The following TMEM178B variants were observed in gnomAD, a reference collection of about 807,000 sequenced individuals.
TMEM178B encodes transmembrane protein 178B.
Under a neutral mutation model 31.0 loss-of-function variants are expected in TMEM178B, and 5 were observed. That is an observed-to-expected ratio of 0.16 (90% CI 0.08 to 0.34). The LOEUF (loss-of-function observed/expected upper bound fraction) is 0.34. TMEM178B is among the 10% of genes least tolerant of loss of function. TMEM178B has a pLI of 1.00. For missense variants in TMEM178B, 275 were observed against 400.3 expected, an observed-to-expected ratio of 0.69 and a Z score of 2.67; for synonymous variants, 164 against 164.0, an observed-to-expected ratio of 1.00 and a Z score of 0.00.
At chr7:141,294,686 G>A (rs1243180347) in intron 2 of TMEM178B, among the ~76,000 whole-genome samples, 1 of 152,116 alleles carries the variant, frequency 6.6e-6, no homozygotes, top group Non-Finnish European at 1.5e-5. Flanking sequence ...TTGGTTTCAG[G>A]GGGCAGGGAT....
rs183215532 is a variant in TMEM178B at position 141,461,549 on chromosome 7, T to A, written c.635-8987T>A. On this transcript the variant is annotated intron_variant, in intron 3 of 3. Coordinates refer to ENST00000565468, the MANE Select transcript of TMEM178B (RefSeq NM_001195278.2). The surrounding 1 kb of genome is among the most constrained non-coding windows in gnomAD (Gnocchi z 4.0). ...GAGAAGCCTCGTGAGGGCCTCAGTTTCCTAGGAGACGGCTTCTTGAATTAG... is the reference window on the plus strand; with the variant it reads ...GAGAAGCCTCGTGAGGGCCTCAGTTACCTAGGAGACGGCTTCTTGAATTAG... Among the ~76,000 whole-genome samples the A allele has an allele frequency of 6.6e-6, 1 of 152,350 alleles. No homozygotes were observed. Among genetic ancestry groups the A allele is most frequent in the Non-Finnish European group, 1.5e-5 (1 of 68,034 alleles).
chr7:141,332,686 T>C (rs1449637700), intron 2 of TMEM178B, among the ~76,000 whole-genome samples: 3 of 152,258 alleles, frequency 2.0e-5, no homozygotes, highest in African/African-American at 7.2e-5. Context: ...AATAGAGGCA[T>C]GAAATGCAGA....
intron 1 of TMEM178B, among the ~76,000 whole-genome samples, chr7:141,198,375 A>C (rs532965097): frequency 6.6e-6 from 1 of 152,352 alleles, no homozygotes; most frequent in African/African-American, 2.4e-5. Context: ...GGCAGAGCCC[A>C]GGAAAGCCAT....
chr7:141,116,997 G>A (rs763007246), intron 1 of TMEM178B, among the ~76,000 whole-genome samples: 7 of 152,256 alleles, frequency 4.6e-5, no homozygotes, highest in South Asian at 2.1e-4. Flanking sequence ...TGTCTTTATA[G>A]TAAAGTGATT....
chr7:141,374,658 A>G (rs1800179950), intron 2 of TMEM178B, among the ~76,000 whole-genome samples: 1 of 152,182 alleles, frequency 6.6e-6, no homozygotes, highest in African/African-American at 2.4e-5. Flanking sequence ...ATGCCACCCC[A>G]TGTGACAATT....
chr7:141,308,299 C>T (rs1385513815), intron 2 of TMEM178B, among the ~76,000 whole-genome samples: 1 of 152,224 alleles, frequency 6.6e-6, no homozygotes, highest in Non-Finnish European at 1.5e-5. Context: ...TAGAACCAGT[C>T]TGCTGACAGG....
intron 1 of TMEM178B, among the ~76,000 whole-genome samples, chr7:141,153,762 T>C (rs565998766): frequency 2.6e-5 from 4 of 152,358 alleles, no homozygotes; most frequent in African/African-American, 9.6e-5. Flanking sequence ...TGTTTATCTT[T>C]TTCATATTGA....
chr7:141,199,335 G>A (rs114410830), intron 1 of TMEM178B, among the ~76,000 whole-genome samples: 1,752 of 152,306 alleles, frequency 0.012, 25 homozygotes, highest in African/African-American at 0.039. Context: ...GCCATTAGTA[G>A]TAATGGCAAC....
At chr7:141,413,892 A>C (rs1278914916) in intron 2 of TMEM178B, among the ~76,000 whole-genome samples, 1 of 152,208 alleles carries the variant, frequency 6.6e-6, no homozygotes, top group East Asian at 1.9e-4. Context: ...AGGAATAAAA[A>C]AAATCATTGA....
At chr7:141,436,361 A>G (rs2116679224) in intron 2 of TMEM178B, among the ~76,000 whole-genome samples, 1 of 152,248 alleles carries the variant, frequency 6.6e-6, no homozygotes, top group South Asian at 2.1e-4. Flanking sequence ...TCCCTTTGAC[A>G]GAGAGGGACG....
chr7:141,481,245 C>T (rs992235757), downstream of TMEM178B, among the ~76,000 whole-genome samples: 6 of 152,162 alleles, frequency 3.9e-5, no homozygotes, highest in African/African-American at 1.4e-4. Context: ...ATGGGTGCGC[C>T]ATCTAAGGAG....
chr7:141,150,257 C>T (rs1795946785), intron 1 of TMEM178B, among the ~76,000 whole-genome samples: 1 of 152,074 alleles, frequency 6.6e-6, no homozygotes, highest in South Asian at 2.1e-4. Context: ...CCCTGAACGG[C>T]CTTGAAACAT....
At chr7:141,168,787 A>G (rs1168308576) in intron 1 of TMEM178B, among the ~76,000 whole-genome samples, 1 of 152,170 alleles carries the variant, frequency 6.6e-6, no homozygotes, top group African/African-American at 2.4e-5. Flanking sequence ...AAAAGAAAAA[A>G]AAGAAGATGA....
chr7:141,319,864 A>G (rs1349653818), intron 2 of TMEM178B, among the ~76,000 whole-genome samples: 4 of 152,190 alleles, frequency 2.6e-5, no homozygotes, highest in Non-Finnish European at 5.9e-5. Context: ...CAAGTTTCTT[A>G]ATATCTCAGT....
intron 1 of TMEM178B, among the ~76,000 whole-genome samples, chr7:141,095,791 A>C (rs1794950181): frequency 6.6e-6 from 1 of 152,234 alleles, no homozygotes. Context: ...TGCCTGGCTA[A>C]TAAAGAGTGG....
At chr7:141,174,286 A>G (rs1268054232) in intron 1 of TMEM178B, among the ~76,000 whole-genome samples, 2 of 152,204 alleles carry the variant, frequency 1.3e-5, no homozygotes, top group Non-Finnish European at 2.9e-5. Flanking sequence ...TGCAAAGGAC[A>G]TGAACTCATC....
chr7:141,356,799 C>A (rs1216840281), intron 2 of TMEM178B, among the ~76,000 whole-genome samples: 2 of 151,830 alleles, frequency 1.3e-5, no homozygotes, highest in Non-Finnish European at 2.9e-5. Context: ...AATCTTGCTA[C>A]CCTTGGCACT....
chr7:141,267,224 G>T lies in TMEM178B; in HGVS notation c.496+54520G>T, dbSNP rs550423572. 6.4e-4 allele frequency among the ~76,000 whole-genome samples: 98 copies of T among 152,282 alleles called. 1 individual carries two copies. The South Asian group carries it at 0.017, about 27-fold the overall frequency. The stretch of plus-strand genomic sequence containing the variant: ...GTCTCCTGGTTTCTGGGTCCTCTAC[G>T]TACCTCAAATTTCTATGGTTAATGG... On this transcript the variant is annotated intron_variant, in intron 2 of 3. Coordinates refer to ENST00000565468, the MANE Select transcript of TMEM178B (RefSeq NM_001195278.2).
In TMEM178B at chr7:141,107,147, G is replaced by A. The variant is rs142072070; in HGVS notation, c.382+32455G>A. Among the ~76,000 whole-genome samples the A allele has an allele frequency of 5.8e-3, 880 of 152,314 alleles. 1 individual carries two copies. Among genetic ancestry groups the A allele is most frequent in the Middle Eastern group, 0.02 (6 of 294 alleles). ...CAGCCTGTGCAAAGTATCTAAAGCT[G>A]GAGTATGCCCAGTGTGTTTGAGAAA... is the stretch of plus-strand genomic sequence containing the variant. On this transcript the variant is annotated intron_variant, in intron 1 of 3. Coordinates refer to ENST00000565468, the MANE Select transcript of TMEM178B (RefSeq NM_001195278.2).
Sources: gnomAD v4.1 joint callset for allele counts (sites outside exome capture counted in the v4.1 genomes callset) on GRCh38, gnomAD v4.1.1 for gene constraint, Gnocchi (gnomAD v3.1) non-coding constraint, MANE v1.5 for transcripts, NCBI Gene and HGNC (gene_info 2026-07-23, HGNC 2026-07-21) for gene names.